USP48: variants seen among roughly 807,000 people sequenced by gnomAD.
The protein encoded by USP48 is ubiquitin carboxyl-terminal hydrolase 48.
In USP48, 43 loss-of-function variants were observed where a neutral mutation model predicts 150.7. The observed-to-expected ratio is 0.29, with a 90% CI of 0.22 to 0.37. The LOEUF (loss-of-function observed/expected upper bound fraction) is 0.37. Ranked by LOEUF, USP48 falls within the 10% of genes least tolerant of loss-of-function variation. The pLI is 1.00. For missense variants in USP48, 813 were observed against 1,249.6 expected, an observed-to-expected ratio of 0.65 and a Z score of 5.27; for synonymous variants, 396 against 425.9, an observed-to-expected ratio of 0.93 and a Z score of 0.86.
intron 8 of USP48, among the ~76,000 whole-genome samples, chr1:21,740,550 A>G (rs1282613632): frequency 6.6e-6 from 1 of 152,236 alleles, no homozygotes; most frequent in African/African-American, 2.4e-5. Context: ...CACACTACCT[A>G]TGAAGTCAGA....
At chr1:21,751,392 G>A (rs2152579005) in intron 6 of USP48, 115 bp downstream of exon 6, 2 of 760,094 alleles carry the variant, frequency 2.6e-6, no homozygotes, top group Non-Finnish European at 2.2e-6. Context: ...TGCTTCTTAT[G>A]TAGAAAAAGC....
intron 10 of USP48, 127 bp from the exon 11 acceptor site, chr1:21,728,846 G>C: frequency 5.1e-6 from 6 of 1,172,754 alleles, no homozygotes; most frequent in Non-Finnish European, 7.0e-6. Flanking sequence ...TGGTCTCCCT[G>C]TCTGCTAGAA....
intron 1 of USP48, among the ~76,000 whole-genome samples, chr1:21,762,814 C>T (rs151310481): frequency 0.076 from 11,036 of 145,114 alleles, 504 homozygotes; most frequent in East Asian, 0.19. Context: ...TGCAGTGAGC[C>T]GAGATCACGC....
intron 10 of USP48, among the ~76,000 whole-genome samples, chr1:21,729,281 C>CAAAAAAAAAA (rs57704127): frequency 6.6e-5 from 6 of 90,420 alleles, no homozygotes; most frequent in African/African-American, 1.9e-4. Flanking sequence ...GACTCCGCCT[C>CAAAAAAAAAA]AAAAAAAAAA....
Position 21,746,022 on chromosome 1 carries a change from T to C in USP48, c.991+1045A>G, listed in dbSNP as rs912118713. Among the ~76,000 whole-genome samples, 38 of 152,314 alleles carry C rather than the reference T, an allele frequency of 2.5e-4. No individual in the cohort carries two copies. The South Asian group carries it at 3.7e-3, about 15-fold the overall frequency. ...ATACATTTGAAAGCTTACATATTTA[T>C]TTAGCACATTCCTCCCCAACTTTCC... On this transcript the variant is annotated intron_variant, in intron 8 of 26. Transcript: ENST00000308271.
intron 26 of USP48, 84 bp from the exon 27 acceptor site, chr1:21,679,523 C>A (rs2097559617): frequency 2.0e-6 from 3 of 1,516,392 alleles, no homozygotes; most frequent in South Asian, 2.3e-5. Flanking sequence ...AACACATCAT[C>A]AACAGGGAGC....
At chr1:21,762,126 G>A (rs1365905713) in intron 1 of USP48, among the ~76,000 whole-genome samples, 1 of 152,176 alleles carries the variant, frequency 6.6e-6, no homozygotes, top group African/African-American at 2.4e-5. Context: ...AATGTGCCAA[G>A]CGTGGTGGCG....
At chr1:21,751,463 AC>A in intron 6 of USP48, 43 bp downstream of exon 6, 1 of 1,417,388 alleles carries the variant, frequency 7.1e-7, no homozygotes, top group Non-Finnish European at 1.0e-6. Flanking sequence ...ACAGCATTTA[AC>A]TGTTAATGGG....
intron 2 of USP48, chr1:21,757,026 G>C: frequency 7.1e-6 from 7 of 980,960 alleles, no homozygotes; most frequent in Non-Finnish European, 8.5e-6. Context: ...TAGGTTTTAT[G>C]TTTTCTGTAT....
At chr1:21,706,285 T>A (rs2097672306) in intron 17 of USP48, 98 bp from the exon 18 acceptor site, 1 of 1,514,726 alleles carries the variant, frequency 6.6e-7, no homozygotes, top group East Asian at 2.3e-5. Flanking sequence ...TCAAGTTTTA[T>A]AAATAAAATG....
chr1:21,774,180 A>AAATAATAAT (rs57694769), intron 1 of USP48, among the ~76,000 whole-genome samples: 3,808 of 141,146 alleles, frequency 0.027, 79 homozygotes, highest in African/African-American at 0.035. Flanking sequence ...CTCCGTCTCA[A>AAATAATAAT]AATAATAATA....
intron 20 of USP48, 92 bp from the exon 21 acceptor site, chr1:21,703,710 G>A: frequency 1.0e-6 from 1 of 971,310 alleles, no homozygotes. Context: ...AAAGTTACTA[G>A]TGAATATTCA....
Position 21,701,557 on chromosome 1 carries a change from T to C in USP48, c.2668A>G (p.Thr890Ala). ...APELNVSSSE[T>A]EEDKEEAKPD... ...TTAGCTTCTTCCTTGTCCTCCTCTGTTTCAGAACTACTCACATTCAGTTCC... is the reference window on the plus strand; with the variant it reads ...TTAGCTTCTTCCTTGTCCTCCTCTGCTTCAGAACTACTCACATTCAGTTCC... The change falls in exon 22 of 27, where the codon ACA becomes GCA. Residue 890 changes from threonine to alanine, a missense_variant. Transcript: ENST00000308271. 6.2e-7 allele frequency: 1 copy of C among 1,614,020 alleles called. No homozygotes were observed.
chr1:21,736,350 TA>T, intron 9 of USP48, 95 bp downstream of exon 9: 6 of 1,234,474 alleles, frequency 4.9e-6, no homozygotes, highest in Non-Finnish European at 6.7e-6. Flanking sequence ...TGATAGTCTG[TA>T]ACATAACAAT....
At chr1:21,741,806 T>C (rs982555632) in intron 8 of USP48, among the ~76,000 whole-genome samples, 32 of 152,040 alleles carry the variant, frequency 2.1e-4, no homozygotes, top group African/African-American at 6.7e-4. Flanking sequence ...AGAGACCCAG[T>C]CTATAAAAAC....
In USP48 at chr1:21,704,297, A is replaced by C; in HGVS notation, c.2480T>G (p.Val827Gly). 1 of 1,613,814 alleles carries C rather than the reference A, an allele frequency of 6.2e-7. No individual in the cohort carries two copies. The highest frequency in any genetic ancestry group is 1.1e-5 in the South Asian group (1 of 90,972). ...AATATACTGTGTTTCTGAAGGGTTT[A>C]CATCTCCCACTTCAATTCTCGTGAT... The part of the protein sequence containing the change: ...IKITRIEVGD[V>G]NPSETQYISE... The change falls in exon 20 of 27, where the codon GTA (valine) becomes GGA (glycine). Residue 827 changes from valine to glycine, a missense_variant. Val to Gly is a moderately radical substitution (Grantham distance 109). Transcript: ENST00000308271.
At chr1:21,743,290 C>T (rs1213986982) in intron 8 of USP48, among the ~76,000 whole-genome samples, 1 of 152,126 alleles carries the variant, frequency 6.6e-6, no homozygotes, top group African/African-American at 2.4e-5. Flanking sequence ...GCAACCTCAG[C>T]GGGACCTACT....
chr1:21,679,335 T>C lies in USP48; in HGVS notation c.*82A>G. 1 of 1,557,804 alleles carries C rather than the reference T, an allele frequency of 6.4e-7. No individual in the cohort carries two copies. The highest frequency in any genetic ancestry group is 8.9e-7 in the Non-Finnish European group (1 of 1,128,926). ...GGCATGTAATGGTTTAATTCTTAAA[T>C]CCACCTTTGCTTTAATGCCCTAACA... On this transcript the variant is annotated 3_prime_UTR_variant, in exon 27 of 27. Coordinates refer to ENST00000308271, the MANE Select transcript of USP48 (RefSeq NM_032236.8).
chr1:21,763,770 A>T (rs2097855436), intron 1 of USP48, among the ~76,000 whole-genome samples: 1 of 144,402 alleles, frequency 6.9e-6, no homozygotes, highest in South Asian at 2.5e-4. Flanking sequence ...AGCCGAGATC[A>T]TGCCATTGCA....
Sources: gnomAD v4.1 joint callset for allele counts (sites outside exome capture counted in the v4.1 genomes callset) on GRCh38, gnomAD v4.1.1 for gene constraint, MANE v1.5 for transcripts, NCBI Gene and HGNC (gene_info 2026-07-23, HGNC 2026-07-21) for gene names.